STX17: variants seen among roughly 807,000 people sequenced by gnomAD.
STX17 encodes the protein syntaxin-17.
In STX17, 29 loss-of-function variants were observed where a neutral mutation model predicts 35.9. The observed-to-expected ratio is 0.81, with a 90% CI of 0.60 to 1.10. The LOEUF (loss-of-function observed/expected upper bound fraction) is 1.10, where lower values mean the gene tolerates loss of function less well. Among genes scored for constraint, STX17 ranks in the 50% least tolerant of loss-of-function variants. The pLI, the probability that STX17 is intolerant of heterozygous loss-of-function variation, is 0.00. For missense variants in STX17, 312 were observed against 352.3 expected (o/e 0.89, Z 0.92); for synonymous variants, 92 against 118.3 (o/e 0.78, Z 1.44).
At chr9:99,935,167 A>G (rs188747554) in intron 3 of STX17, among the ~76,000 whole-genome samples, 91 of 151,984 alleles carry the variant, frequency 6.0e-4, no homozygotes, top group Admixed American at 5.9e-4. Flanking sequence ...CGTCTCTACT[A>G]AAAATACAAA....
chr9:99,953,036 A>C (rs1587935514), intron 4 of STX17, among the ~76,000 whole-genome samples: 1 of 152,006 alleles, frequency 6.6e-6, no homozygotes, highest in African/African-American at 2.4e-5. Flanking sequence ...ATAACAATAA[A>C]ATAAAAATAA....
In STX17 at chr9:99,959,861, T is replaced by C. The variant is rs1829791890; in HGVS notation, c.416-56T>C. ...TGTTTTATGAAATCAATTTATGCTG[T>C]CTCTTTTCTAACAAAGCAAATAAAC... On this transcript the variant is annotated intron_variant, in intron 4 of 7. Coordinates refer to ENST00000259400, the MANE Select transcript of STX17 (RefSeq NM_017919.3). 3.1e-6 allele frequency: 4 copies of C among 1,282,436 alleles called. No homozygotes were observed. In the South Asian group the frequency reaches 5.1e-5, roughly 16 times the overall value. The allele number at this position is 1,282,436 out of a possible 1,614,324, so 79.4% of individuals were successfully genotyped here.
At chr9:99,924,572 T>C (rs1828953048) in intron 2 of STX17, among the ~76,000 whole-genome samples, 1 of 152,190 alleles carries the variant, frequency 6.6e-6, no homozygotes, top group South Asian at 2.1e-4. Flanking sequence ...CCCTATGGGG[T>C]AGATATTATT....
In STX17 at chr9:99,920,311, C is replaced by T. The variant is rs918862775; in HGVS notation, c.123+4949C>T. Among the ~76,000 whole-genome samples the T allele has an allele frequency of 2.6e-5, 4 of 152,126 alleles. 1 individual carries two copies. The highest frequency in any genetic ancestry group is 2.0e-4 in the Admixed American group (3 of 15,274). Reference sequence around the variant, plus strand: ...ACAGATATGCGTGGAAGGAAACAGTCCTCTTCTTCTTCTTGGTCTTGTGTG... The same window carrying T: ...ACAGATATGCGTGGAAGGAAACAGTTCTCTTCTTCTTCTTGGTCTTGTGTG... On this transcript the variant is annotated intron_variant, in intron 2 of 7. Coordinates refer to ENST00000259400, the MANE Select transcript of STX17 (RefSeq NM_017919.3).
intron 2 of STX17, among the ~76,000 whole-genome samples, 166 bp from the exon 3 acceptor site, chr9:99,928,612 A>G (rs561725012): frequency 6.6e-6 from 1 of 152,216 alleles, no homozygotes; most frequent in South Asian, 2.1e-4. Flanking sequence ...CATTCTTAAT[A>G]ATTTCCTACT....
intron 2 of STX17, among the ~76,000 whole-genome samples, chr9:99,915,709 C>G (rs1458694407): frequency 6.6e-6 from 1 of 152,104 alleles, no homozygotes. Flanking sequence ...CTACACACCA[C>G]TATCCGTGGC....
chr9:99,944,538 G>A (rs1296847294), intron 3 of STX17, among the ~76,000 whole-genome samples: 1 of 146,852 alleles, frequency 6.8e-6, no homozygotes, highest in South Asian at 2.1e-4. Context: ...TTTTAAGTTG[G>A]AGTTTCACTC....
At chr9:99,931,270 C>T (rs955191635) in intron 3 of STX17, among the ~76,000 whole-genome samples, 8 of 152,126 alleles carry the variant, frequency 5.3e-5, no homozygotes, top group Non-Finnish European at 1.0e-4. Flanking sequence ...TGAGCTACTG[C>T]GCCCAGCTGA....
intron 2 of STX17, among the ~76,000 whole-genome samples, chr9:99,923,355 T>TA (rs1457974297): frequency 6.6e-6 from 1 of 152,174 alleles, no homozygotes; most frequent in Non-Finnish European, 1.5e-5. Context: ...AAGATTAAGA[T>TA]ATTATATGAA....
At chr9:99,965,358 A>G (rs1395508536) in intron 6 of STX17, among the ~76,000 whole-genome samples, 8 of 152,214 alleles carry the variant, frequency 5.3e-5, no homozygotes, top group Non-Finnish European at 1.0e-4. Context: ...CTTTACGATT[A>G]CACTTGGGGT....
intron 6 of STX17, among the ~76,000 whole-genome samples, chr9:99,960,446 T>G (rs1007176405): frequency 1.3e-5 from 2 of 151,436 alleles, no homozygotes; most frequent in Non-Finnish European, 2.9e-5. Context: ...TCTTGTTTTT[T>G]GTGTTTTTTT....
chr9:99,956,330 G>T (rs768166360), intron 4 of STX17, among the ~76,000 whole-genome samples: 26 of 151,964 alleles, frequency 1.7e-4, no homozygotes, highest in Non-Finnish European at 3.2e-4. Flanking sequence ...GCATACCCTC[G>T]CAAACTTCAT....
chr9:99,929,945 C>T (rs928533011), intron 3 of STX17: 3 of 127,758 alleles, frequency 2.3e-5, no homozygotes, highest in African/African-American at 8.8e-5. Flanking sequence ...CAGAGTCTCA[C>T]TCTGTTGCCC....
chr9:99,942,975 T>G (rs747922652), intron 3 of STX17, among the ~76,000 whole-genome samples: 9 of 152,226 alleles, frequency 5.9e-5, no homozygotes, highest in Non-Finnish European at 1.2e-4. Context: ...TCCTACTTCC[T>G]TCTTCACAAG....
intron 3 of STX17, among the ~76,000 whole-genome samples, chr9:99,932,280 A>G (rs1351434769): frequency 6.6e-6 from 1 of 152,166 alleles, no homozygotes. Flanking sequence ...AATTCAAGAG[A>G]TCATTAGGAA....
At chr9:99,933,043 C>A (rs1177371026) in intron 3 of STX17, among the ~76,000 whole-genome samples, 1 of 152,068 alleles carries the variant, frequency 6.6e-6, no homozygotes, top group East Asian at 1.9e-4. Flanking sequence ...GAAGATATTT[C>A]TTTATATATT....
intron 3 of STX17, among the ~76,000 whole-genome samples, chr9:99,935,050 G>T (rs1829201685): frequency 6.6e-6 from 1 of 151,976 alleles, no homozygotes; most frequent in Admixed American, 6.6e-5. Context: ...AAAAGTGTAG[G>T]CTGGGCGCAG....
At chr9:99,944,337 C>CT (rs898898879) in intron 3 of STX17, among the ~76,000 whole-genome samples, 1 of 151,720 alleles carries the variant, frequency 6.6e-6, no homozygotes, top group Non-Finnish European at 1.5e-5. Flanking sequence ...CTCCTTTCTA[C>CT]TTTTTTTGCA....
chr9:99,920,888 T>C (rs879548818), intron 2 of STX17, among the ~76,000 whole-genome samples: 16 of 152,210 alleles, frequency 1.1e-4, no homozygotes, highest in Non-Finnish European at 2.4e-4. Flanking sequence ...ATTTTTCTTG[T>C]AATTTGTTGT....
Sources: gnomAD v4.1 joint callset for allele counts (sites outside exome capture counted in the v4.1 genomes callset) on GRCh38, gnomAD v4.1.1 for gene constraint, MANE v1.5 for transcripts, NCBI Gene and HGNC (gene_info 2026-07-23, HGNC 2026-07-21) for gene names.